Variants in PPM1L observed in about 807,000 individuals in gnomAD.
PPM1L encodes the protein protein phosphatase, Mg2+/Mn2+ dependent 1L.
A neutral mutation model predicts 31.4 loss-of-function variants in PPM1L; 13 were observed. That is an observed-to-expected ratio of 0.41 (90% CI 0.27 to 0.66). The LOEUF is 0.66. PPM1L is among the 30% of genes least tolerant of loss of function. The probability of loss-of-function intolerance (pLI) is 0.29; values close to 1 mark genes in which losing one functional copy is unlikely to be tolerated. For synonymous variants in PPM1L, 184 were observed against 175.4 expected (o/e 1.05, Z -0.39); for missense variants, 326 against 453.7 (o/e 0.72, Z 2.56).
Position 160,756,683 on chromosome 3 carries a change from G to A in PPM1L, c.375G>A (p.Gly125=). 1.2e-6 allele frequency: 2 copies of A among 1,613,944 alleles called. No individual in the cohort carries two copies. The highest frequency in any genetic ancestry group is 2.2e-5 in the East Asian group (1 of 44,876). The part of the protein sequence containing the change: ...LANKTHPSIF[G]IFDGHGGETA... The stretch of plus-strand genomic sequence containing the variant: ...ACAAGACGCACCCGTCCATCTTCGG[G>A]ATCTTCGACGGGCACGGGGGAGAGG... Residue 125 remains glycine, a synonymous_variant, in exon 1 of 4, where the codon GGG becomes GGA. Transcript: ENST00000498165. The surrounding 1 kb of genome is among the most constrained non-coding windows in gnomAD (Gnocchi z 6.2).
chr3:160,875,515 A>G (rs1378386094), intron 1 of PPM1L, among the ~76,000 whole-genome samples: 2 of 152,204 alleles, frequency 1.3e-5, no homozygotes, highest in Non-Finnish European at 2.9e-5. Context: ...GGGAAGCAGG[A>G]TGAAAATTCT....
intron 2 of PPM1L, among the ~76,000 whole-genome samples, chr3:161,005,169 A>C (rs1165200271): frequency 6.6e-6 from 1 of 152,122 alleles, no homozygotes; most frequent in African/African-American, 2.4e-5. Context: ...TTATGTACCC[A>C]GTAGTCATTC....
intron 1 of PPM1L, among the ~76,000 whole-genome samples, chr3:160,958,061 T>C (rs1274940208): frequency 1.3e-5 from 2 of 152,234 alleles, no homozygotes; most frequent in African/African-American, 2.4e-5. Context: ...ATATTAGACC[T>C]TTGTCAGGTG....
chr3:160,895,652 G>A (rs1191513648), intron 1 of PPM1L, among the ~76,000 whole-genome samples: 1 of 152,168 alleles, frequency 6.6e-6, no homozygotes, highest in Non-Finnish European at 1.5e-5. Flanking sequence ...TTATAAAGGA[G>A]TACTTTGTTT....
intron 1 of PPM1L, among the ~76,000 whole-genome samples, chr3:160,867,097 C>T (rs1282249372): frequency 2.0e-5 from 3 of 152,146 alleles, no homozygotes; most frequent in Non-Finnish European, 4.4e-5. Context: ...ACTTTGGCCT[C>T]CCAAAGTGCT....
intron 2 of PPM1L, among the ~76,000 whole-genome samples, chr3:161,015,042 G>A (rs1257524281): frequency 6.6e-6 from 1 of 151,504 alleles, no homozygotes; most frequent in Admixed American, 6.6e-5. Flanking sequence ...GGAGCAGTAA[G>A]TCTTTTAGGT....
chr3:161,010,623 A>C (rs918293990), intron 2 of PPM1L, among the ~76,000 whole-genome samples: 1 of 152,050 alleles, frequency 6.6e-6, no homozygotes, highest in Non-Finnish European at 1.5e-5. Context: ...TGGTTGAACT[A>C]GTTTACAGTC....
At chr3:160,991,693 C>T (rs6790705) in intron 2 of PPM1L, among the ~76,000 whole-genome samples, 2 of 152,096 alleles carry the variant, frequency 1.3e-5, no homozygotes. Context: ...TTCCTAACGA[C>T]TGTGGCCTAA....
At chr3:160,977,979 A>C (rs1257304851) in intron 2 of PPM1L, among the ~76,000 whole-genome samples, 1 of 152,158 alleles carries the variant, frequency 6.6e-6, no homozygotes, top group Non-Finnish European at 1.5e-5. Flanking sequence ...GGGTTCCTCA[A>C]ATGTAGAGCC....
intron 1 of PPM1L, among the ~76,000 whole-genome samples, chr3:160,795,582 A>G (rs768404102): frequency 2.0e-5 from 3 of 152,152 alleles, no homozygotes; most frequent in Non-Finnish European, 4.4e-5. Flanking sequence ...CATTTTCTCT[A>G]GCTGTAAAAT....
intron 1 of PPM1L, among the ~76,000 whole-genome samples, chr3:160,911,872 T>C (rs899698472): frequency 2.0e-5 from 3 of 152,184 alleles, no homozygotes; most frequent in Non-Finnish European, 4.4e-5. Flanking sequence ...ATTGGTTCCA[T>C]ACTAATGCCA....
At chr3:161,038,240 A>AAAG (rs1718805123) in intron 2 of PPM1L, among the ~76,000 whole-genome samples, 4 of 151,734 alleles carry the variant, frequency 2.6e-5, no homozygotes, top group South Asian at 4.1e-4. Context: ...TCTCAAAAAA[A>AAAG]AAAAAAAAAA....
At chr3:160,937,537 A>G (rs759638931) in intron 1 of PPM1L, among the ~76,000 whole-genome samples, 26 of 152,066 alleles carry the variant, frequency 1.7e-4, no homozygotes, top group Non-Finnish European at 2.5e-4. Context: ...GGAGAATGGC[A>G]TGAACCCAGG....
chr3:160,806,916 GAAAGAAAGAGAGGGAAA>G (rs1160258003), intron 1 of PPM1L, among the ~76,000 whole-genome samples: 47 of 134,126 alleles, frequency 3.5e-4, no homozygotes, highest in African/African-American at 1.4e-3. Flanking sequence ...GAAAGAGAAG[GAAAGAAAGAGAGGGAAA>G]GAAAGAAAGA....
chr3:160,827,135 A>G (rs1411683714), intron 1 of PPM1L, among the ~76,000 whole-genome samples: 2 of 152,080 alleles, frequency 1.3e-5, no homozygotes, highest in Admixed American at 6.6e-5. Flanking sequence ...TTCCTTCCCC[A>G]TTTAGAAGCA....
intron 2 of PPM1L, among the ~76,000 whole-genome samples, chr3:161,031,879 C>T (rs1347376598): frequency 6.6e-6 from 1 of 152,116 alleles, no homozygotes; most frequent in Non-Finnish European, 1.5e-5. Flanking sequence ...GCTAATGATG[C>T]TGTTCCCAAA....
At chr3:160,861,032 C>G (rs1711865956) in intron 1 of PPM1L, among the ~76,000 whole-genome samples, 2 of 152,150 alleles carry the variant, frequency 1.3e-5, no homozygotes, top group Admixed American at 6.5e-5. Flanking sequence ...CTGGCTTTGA[C>G]TTTTTCAGAT....
chr3:160,772,960 G>A lies in PPM1L; in HGVS notation c.399+16253G>A, dbSNP rs115495733. ...TATGGATATATATCAAAATTTGTTT[G>A]TTCATCACTTACTGGACATTTGAGT... is the stretch of plus-strand genomic sequence containing the variant. On this transcript the variant is annotated intron_variant, in intron 1 of 3. Coordinates refer to ENST00000498165, the MANE Select transcript of PPM1L (RefSeq NM_139245.4). Among the ~76,000 whole-genome samples the A allele has an allele frequency of 7.0e-3, 1,063 of 151,462 alleles. 3 individuals carry two copies. Among genetic ancestry groups the A allele is most frequent in the Non-Finnish European group, 9.8e-3 (666 of 67,908 alleles).
chr3:160,757,279 G>A (rs558086749), intron 1 of PPM1L, among the ~76,000 whole-genome samples: 3 of 152,362 alleles, frequency 2.0e-5, no homozygotes. Flanking sequence ...CTTTACAAGT[G>A]CAATCGGGCC....
Sources: allele counts gnomAD v4.1 joint callset (sites outside exome capture counted in the v4.1 genomes callset), GRCh38; gene constraint gnomAD v4.1.1; non-coding constraint Gnocchi (gnomAD v3.1); transcripts MANE v1.5; gene names NCBI Gene and HGNC (gene_info 2026-07-23, HGNC 2026-07-21).